The following RIPOR3 variants were observed in gnomAD, a reference collection of about 807,000 sequenced individuals.
The protein encoded by RIPOR3 is RIPOR family member 3.
A neutral mutation model predicts 114.3 loss-of-function variants in RIPOR3; 95 were observed. The ratio of observed to expected loss-of-function variants is 0.83; its 90% CI spans 0.70 to 0.99. The LOEUF is 0.99. Among genes scored for constraint, RIPOR3 ranks in the 50% least tolerant of loss-of-function variants. The probability of loss-of-function intolerance (pLI) is 0.00; values close to 1 mark genes in which losing one functional copy is unlikely to be tolerated. For missense variants in RIPOR3, 1,252 were observed against 1,266.9 expected, an observed-to-expected ratio of 0.99 and a Z score of 0.18; for synonymous variants, 575 against 543.8, an observed-to-expected ratio of 1.06 and a Z score of -0.80.
At chr20:50,661,800 A>G (rs1338289026) in intron 1 of RIPOR3, among the ~76,000 whole-genome samples, 1 of 152,110 alleles carries the variant, frequency 6.6e-6, no homozygotes, top group Admixed American at 6.6e-5. Context: ...TATGTTTTCC[A>G]TTTCCCCTGG....
At chr20:50,677,679 T>TCGTCTTCTTAGTC (rs1323750133) in intron 1 of RIPOR3, among the ~76,000 whole-genome samples, 3 of 149,090 alleles carry the variant, frequency 2.0e-5, no homozygotes, top group South Asian at 2.1e-4. Context: ...GCCTTTTTTT[T>TCGTCTTCTTAGTC]TTTTTTTTGA....
chr20:50,647,326 A>G (rs1432168595), intron 1 of RIPOR3, among the ~76,000 whole-genome samples: 3 of 151,828 alleles, frequency 2.0e-5, no homozygotes, highest in Non-Finnish European at 4.4e-5. Context: ...ATCTCAAAAG[A>G]AAAAAAAGAA....
chr20:50,594,885 T>G, intron 16 of RIPOR3, 171 bp from the exon 17 acceptor site: 1 of 681,536 alleles, frequency 1.5e-6, no homozygotes, highest in Non-Finnish European at 2.4e-6. Context: ...ACTTTGGCTC[T>G]AAGCATCTTA....
At chr20:50,597,408 G>C (rs6096019) in intron 14 of RIPOR3, 172 bp downstream of exon 14, 125,303 of 972,614 alleles carry the variant, frequency 0.13, 11,177 homozygotes, top group African/African-American at 0.41. Context: ...CGGCTCTGAG[G>C]CAAGTGGGGG....
In RIPOR3 at chr20:50,620,049, A is replaced by ACCCTT; in HGVS notation, c.205_206insAAGGG (p.Val69GlufsTer12). 23 of 1,614,170 alleles carry ACCCTT rather than the reference A, an allele frequency of 1.4e-5. No individual in the cohort carries two copies. The highest frequency in any genetic ancestry group is 1.9e-5 in the Non-Finnish European group (23 of 1,180,020). On this transcript the variant is annotated frameshift_variant, in exon 3 of 22. Coordinates refer to ENST00000327979, the MANE Select transcript of RIPOR3 (RefSeq NM_001290268.2). LOFTEE classifies it high-confidence loss of function. ...CTGCTGGGGCTTCGGGTCTGCACAGACCGACCCCTTCCGCAGCGTGCCGTA... is the reference window on the plus strand; with the variant it reads ...CTGCTGGGGCTTCGGGTCTGCACAGACCCTTCCGACCCCTTCCGCAGCGTGCCGTA...
At chr20:50,655,928 A>T (rs1461811219) in intron 1 of RIPOR3, among the ~76,000 whole-genome samples, 1 of 152,010 alleles carries the variant, frequency 6.6e-6, no homozygotes, top group East Asian at 1.9e-4. Flanking sequence ...TTGGGAAAAA[A>T]ATACAAGTAT....
rs763861307 is a variant in RIPOR3, at chr20:50,610,917, A to C, written c.373-11T>G. On this transcript the variant is annotated splice_polypyrimidine_tract_variant and intron_variant, in intron 5 of 21. Coordinates refer to ENST00000327979, the MANE Select transcript of RIPOR3 (RefSeq NM_001290268.2). ...CACACAGCGCGTTTGCTTCTCCCGG[A>C]AAAAGGGAAGATGTTTGCAAAGTTG... 3.7e-6 allele frequency: 6 copies of C among 1,613,994 alleles called. No individual in the cohort carries two copies. Among genetic ancestry groups the C allele is most frequent in the Non-Finnish European group, 5.1e-6 (6 of 1,180,024 alleles).
At chr20:50,589,080 TCAAGAAAAAA>T in intron 20 of RIPOR3, among the ~76,000 whole-genome samples, 1 of 48,558 alleles carries the variant, frequency 2.1e-5, no homozygotes, top group African/African-American at 1.0e-4. Flanking sequence ...AGACTCCATC[TCAAGAAAAAA>T]AAAAAAAAAA....
chr20:50,602,280 G>A lies in RIPOR3; in HGVS notation c.1451C>T (p.Pro484Leu). ...GCCGCTGTGGAACAGGGAGCCCTGT[G>A]GCAGGCTGGGGCTCTCCCCTCCTAA... Reference protein sequence around the residue: ...RNLGGESPSLPQGSLFHSGTA... With the variant: ...RNLGGESPSLLQGSLFHSGTA... The change falls in exon 13 of 22, where the codon CCA (proline) becomes CTA (leucine). Residue 484 changes from proline (P) to leucine (L), a missense_variant. By Grantham distance (98) the Pro-to-Leu change is moderately conservative (BLOSUM62 -3). Coordinates refer to ENST00000327979, the MANE Select transcript of RIPOR3 (RefSeq NM_001290268.2). The surrounding 1 kb of genome is among the most constrained non-coding windows in gnomAD (Gnocchi z 4.3). 1.2e-6 allele frequency: 2 copies of A among 1,613,892 alleles called. No individual in the cohort carries two copies. The highest frequency in any genetic ancestry group is 2.2e-5 in the South Asian group (2 of 91,068).
intron 1 of RIPOR3, among the ~76,000 whole-genome samples, chr20:50,683,737 G>A (rs1052553478): frequency 1.3e-5 from 2 of 151,736 alleles, no homozygotes; most frequent in African/African-American, 4.8e-5. Flanking sequence ...GATTACAGGT[G>A]TGAGCCACCA....
chr20:50,630,915 A>C, intron 1 of RIPOR3, 59 bp from the exon 2 acceptor site: 1 of 1,381,720 alleles, frequency 7.2e-7, no homozygotes, highest in South Asian at 1.2e-5. Context: ...TGCCGTCCGC[A>C]GGCCAGCCAC....
chr20:50,654,437 T>TG (rs956516416), intron 1 of RIPOR3, among the ~76,000 whole-genome samples: 4 of 136,650 alleles, frequency 2.9e-5, no homozygotes, highest in East Asian at 2.1e-4. Context: ...TTTTTTTTTT[T>TG]TTTTTTTTTT....
At position 50,689,467 on chromosome 20, in the gene RIPOR3, C is replaced by T. The variant is rs370766617; in HGVS notation, c.3+1659G>A. 1.3e-3 allele frequency among the ~76,000 whole-genome samples: 196 copies of T among 152,286 alleles called. 4 individuals are homozygous for T. In the South Asian group the frequency reaches 0.02, roughly 16 times the overall value. On this transcript the variant is annotated intron_variant, in intron 1 of 21. Coordinates refer to ENST00000327979, the MANE Select transcript of RIPOR3 (RefSeq NM_001290268.2). ...CTGAGATTACAGGCGTGAGCCACCG[C>T]GCCCAGCCTCACTCCAAACTTGATC...
At chr20:50,603,823 G>A (rs760612117) in intron 12 of RIPOR3, among the ~76,000 whole-genome samples, 3 of 152,192 alleles carry the variant, frequency 2.0e-5, no homozygotes, top group Non-Finnish European at 4.4e-5. Flanking sequence ...CATTAACTCA[G>A]TTAACTCTCA....
intron 6 of RIPOR3, among the ~76,000 whole-genome samples, chr20:50,610,491 C>T (rs998268153): frequency 2.6e-5 from 4 of 152,188 alleles, no homozygotes; most frequent in African/African-American, 9.7e-5. Context: ...CTTGGGCCAA[C>T]CCATGTTCAT....
Position 50,691,489 on chromosome 20 carries a change from G to A in RIPOR3, c.-361C>T, listed in dbSNP as rs1272471038. The A allele has an allele frequency of 4.6e-5, 10 of 218,830 alleles. No homozygotes were observed. Among genetic ancestry groups the A allele is most frequent in the Non-Finnish European group, 9.4e-5 (10 of 106,596 alleles). 13.6% of individuals were successfully genotyped at this position (218,830 alleles called of 1,614,324 possible). On this transcript the variant is annotated 5_prime_UTR_variant, in exon 1 of 22. Coordinates refer to ENST00000327979, the MANE Select transcript of RIPOR3 (RefSeq NM_001290268.2). ...CCAGCCGGCCCCGCTCCCCCCGGAT[G>A]CCGCCTGCTGCTCTGGACGCGGCCG...
Position 50,602,071 on chromosome 20 carries a change from C to G in RIPOR3, c.1659+1G>C, listed in dbSNP as rs768025692. On this transcript the variant is annotated splice_donor_variant, in intron 13 of 21. Transcript: ENST00000327979. LOFTEE classifies it high-confidence loss of function. This position sits in a 1 kb window ranked among gnomAD's most constrained non-coding sequence, Gnocchi z 4.3. ...CACCGCCCGGGGCGGGGTGGCCATA[C>G]CTTCAGCCGGTCCCGGAAGCCGAGG... 3 of 1,549,186 alleles carry G rather than the reference C, an allele frequency of 1.9e-6. No individual in the cohort carries two copies. Among genetic ancestry groups the G allele is most frequent in the Admixed American group, 1.9e-5 (1 of 51,338 alleles).
chr20:50,594,339 A>AGACT (rs1314634546), intron 17 of RIPOR3, among the ~76,000 whole-genome samples: 2 of 151,592 alleles, frequency 1.3e-5, no homozygotes, highest in Non-Finnish European at 2.9e-5. Context: ...AGGGCTCCAC[A>AGACT]GACTGCTCAG....
chr20:50,624,042 GGC>G (rs1191976986), intron 2 of RIPOR3, among the ~76,000 whole-genome samples: 1 of 152,102 alleles, frequency 6.6e-6, no homozygotes, highest in Non-Finnish European at 1.5e-5. Context: ...TCACCTTGTT[GGC>G]CAGGCTGGTC....
Sources: allele counts gnomAD v4.1 joint callset (sites outside exome capture counted in the v4.1 genomes callset), GRCh38; gene constraint gnomAD v4.1.1; non-coding constraint Gnocchi (gnomAD v3.1); transcripts MANE v1.5; gene names NCBI Gene and HGNC (gene_info 2026-07-23, HGNC 2026-07-21).